UGGT2: variants seen among roughly 807,000 people sequenced by gnomAD.
UGGT2 encodes UDP-glucose glycoprotein glucosyltransferase 2, also known as UDP-glucose:glycoprotein glucosyltransferase 2.
Under a neutral mutation model 192.1 loss-of-function variants are expected in UGGT2, and 180 were observed. The observed-to-expected ratio is 0.94, with a 90% CI of 0.83 to 1.06. The LOEUF (loss-of-function observed/expected upper bound fraction) is 1.06. UGGT2 is among the 50% of genes least tolerant of loss of function. The pLI is 0.00. For synonymous variants in UGGT2, 580 were observed against 591.0 expected (o/e 0.98, Z 0.27); for missense variants, 1,849 against 1,795.7 (o/e 1.03, Z -0.54).
chr13:95,970,631 CAT>C (rs1306897041), intron 11 of UGGT2, among the ~76,000 whole-genome samples: 1 of 152,084 alleles, frequency 6.6e-6, no homozygotes, highest in Non-Finnish European at 1.5e-5. Flanking sequence ...TCGAACAAGA[CAT>C]AAAGTATAAA....
At chr13:95,887,229 C>T (rs759994035) in intron 26 of UGGT2, 2 of 495,648 alleles carry the variant, frequency 4.0e-6, no homozygotes, top group East Asian at 1.1e-4. Flanking sequence ...GAGATGAGCA[C>T]ATTAAAAAGT....
At chr13:96,052,909 A>G (rs548552608) in intron 1 of UGGT2, among the ~76,000 whole-genome samples, 7 of 152,378 alleles carry the variant, frequency 4.6e-5, no homozygotes, top group African/African-American at 1.4e-4. Context: ...AAAGCAGGGC[A>G]GGGAAGCTTT....
At chr13:96,026,659 C>CTTTTTTTTTTTTTTTTTTTTTTTTTT in intron 2 of UGGT2, among the ~76,000 whole-genome samples, 1 of 101,536 alleles carries the variant, frequency 9.8e-6, no homozygotes, top group Non-Finnish European at 1.9e-5. Flanking sequence ...TTTCACTCTT[C>CTTTTTTTTTTTTTTTTTTTTTTTTTT]TTTTTTTTTT....
intron 14 of UGGT2, 145 bp downstream of exon 14, chr13:95,947,850 TA>T: frequency 1.7e-6 from 1 of 585,972 alleles, no homozygotes; most frequent in South Asian, 2.2e-5. Context: ...TAAAGGTATA[TA>T]ATACTTCACA....
intron 1 of UGGT2, among the ~76,000 whole-genome samples, chr13:96,032,512 C>T (rs2139162053): frequency 6.6e-6 from 1 of 152,088 alleles, no homozygotes; most frequent in East Asian, 1.9e-4. Context: ...ATGTCTTTGG[C>T]CATAAAGCCC....
At chr13:96,033,949 C>T (rs2052918645) in intron 1 of UGGT2, among the ~76,000 whole-genome samples, 1 of 152,196 alleles carries the variant, frequency 6.6e-6, no homozygotes, top group South Asian at 2.1e-4. Flanking sequence ...CCGGTGAAGC[C>T]CCACCTTCAA....
At chr13:95,994,408 ATATT>A (rs2051553837) in intron 7 of UGGT2, among the ~76,000 whole-genome samples, 1 of 151,796 alleles carries the variant, frequency 6.6e-6, no homozygotes, top group Non-Finnish European at 1.5e-5. Context: ...CATTATTACA[ATATT>A]TATTTTAAAA....
chr13:96,035,450 A>T (rs2052973795), intron 1 of UGGT2, among the ~76,000 whole-genome samples: 1 of 152,248 alleles, frequency 6.6e-6, no homozygotes, highest in African/African-American at 2.4e-5. Context: ...ACCTAAAATT[A>T]TAAAAACCCT....
intron 34 of UGGT2, among the ~76,000 whole-genome samples, chr13:95,855,205 G>A (rs3101567): frequency 2.9e-4 from 44 of 150,288 alleles, no homozygotes; most frequent in African/African-American, 9.5e-4. Context: ...AGGATGGCTC[G>A]AATGCAGGAG....
intron 1 of UGGT2, among the ~76,000 whole-genome samples, chr13:96,047,433 A>G (rs1043563275): frequency 3.3e-5 from 5 of 152,250 alleles, no homozygotes; most frequent in African/African-American, 2.4e-5. Flanking sequence ...TAAAACTAAC[A>G]AACAGAAAGG....
At chr13:96,026,461 C>T (rs2052667663) in intron 2 of UGGT2, among the ~76,000 whole-genome samples, 1 of 151,898 alleles carries the variant, frequency 6.6e-6, no homozygotes, top group African/African-American at 2.4e-5. Context: ...AGCTATAAAC[C>T]ATGAAGGAAA....
At chr13:95,903,608 C>T (rs571620942) in intron 20 of UGGT2, among the ~76,000 whole-genome samples, 19 of 129,940 alleles carry the variant, frequency 1.5e-4, no homozygotes, top group Non-Finnish European at 2.5e-4. Context: ...TGTTCTTTCC[C>T]CACTCAATAA....
intron 22 of UGGT2, among the ~76,000 whole-genome samples, chr13:95,899,435 A>C (rs1428810865): frequency 6.6e-6 from 1 of 152,136 alleles, no homozygotes; most frequent in African/African-American, 2.4e-5. Flanking sequence ...CAGTAGGTGT[A>C]AGATTAATAT....
intron 26 of UGGT2, among the ~76,000 whole-genome samples, chr13:95,886,374 T>C (rs1012300032): frequency 1.6e-4 from 24 of 152,226 alleles, no homozygotes; most frequent in African/African-American, 5.5e-4. Context: ...TATACTCTAG[T>C]ACATTATTTC....
intron 38 of UGGT2, chr13:95,809,375 T>C: frequency 2.4e-6 from 1 of 409,546 alleles, no homozygotes; most frequent in South Asian, 1.8e-5. Context: ...TGTTTCTCCA[T>C]TTTCTGCAGG....
Position 95,853,643 on chromosome 13 carries a change from A to G in UGGT2, c.4184T>C (p.Val1395Ala), listed in dbSNP as rs377389984. 1 of 1,576,406 alleles carries G rather than the reference A, an allele frequency of 6.3e-7. No individual in the cohort carries two copies. The highest frequency in any genetic ancestry group is 8.6e-7 in the Non-Finnish European group (1 of 1,167,780). The change falls in exon 36 of 39, where the codon GTG (valine) becomes GCG (alanine). Residue 1395 changes from valine (V) to alanine (A), a missense_variant. Val to Ala is a moderately conservative substitution (Grantham distance 64, BLOSUM62 0). Coordinates refer to ENST00000376747, the MANE Select transcript of UGGT2 (RefSeq NM_020121.4). ...RKYHISALYVVDLKKFRRIGA... is the reference protein window; with the variant it reads ...RKYHISALYVADLKKFRRIGA... ...AATTCTCCTGAACTTCTTGAGATCC[A>G]CTACATATAAAGCACTGCAAAAATG...
intron 7 of UGGT2, among the ~76,000 whole-genome samples, chr13:95,992,289 C>T (rs766165425): frequency 1.8e-4 from 27 of 152,150 alleles, no homozygotes; most frequent in Admixed American, 7.2e-4. Flanking sequence ...GGCAGTATGG[C>T]CATTTTAATG....
intron 5 of UGGT2, 107 bp from the exon 6 acceptor site, chr13:95,999,414 T>C (rs1203178644): frequency 1.0e-6 from 1 of 1,001,298 alleles, no homozygotes; most frequent in Admixed American, 2.1e-5. Flanking sequence ...TTACTAATAT[T>C]GAAGGTTTTT....
chr13:96,028,563 G>A (rs2052734758), intron 2 of UGGT2, among the ~76,000 whole-genome samples: 1 of 152,122 alleles, frequency 6.6e-6, no homozygotes, highest in South Asian at 2.1e-4. Context: ...ATGTAAGTCT[G>A]GCAGAACCAT....
Sources: allele counts gnomAD v4.1 joint callset (sites outside exome capture counted in the v4.1 genomes callset), GRCh38; gene constraint gnomAD v4.1.1; transcripts MANE v1.5; gene names NCBI Gene and HGNC (gene_info 2026-07-23, HGNC 2026-07-21).